NR4A3: variants seen among roughly 807,000 people sequenced by gnomAD.
NR4A3 encodes the protein nuclear receptor subfamily 4 group A member 3.
A neutral mutation model predicts 55.6 loss-of-function variants in NR4A3; 13 were observed. The ratio of observed to expected loss-of-function variants is 0.23; its 90% CI spans 0.15 to 0.37. NR4A3 has a LOEUF of 0.37. Among genes scored for constraint, NR4A3 ranks in the 10% least tolerant of loss-of-function variants. The probability of loss-of-function intolerance (pLI) is 1.00; values close to 1 mark genes in which losing one functional copy is unlikely to be tolerated. For synonymous variants in NR4A3, 342 were observed against 357.9 expected (o/e 0.96, Z 0.50); for missense variants, 646 against 822.8 (o/e 0.79, Z 2.63).
rs188837075 is a variant in NR4A3 at position 99,834,899 on chromosome 9, T to C, written c.1254+1445T>C. Reference sequence around the variant, plus strand: ...CTCTTGACTACAATCAAGTCTCAAATAATAGTGTAAGAGAATAAAGCAGAA... The same window carrying C: ...CTCTTGACTACAATCAAGTCTCAAACAATAGTGTAAGAGAATAAAGCAGAA... On this transcript the variant is annotated intron_variant, in intron 5 of 7. Transcript: ENST00000395097. 1.3e-5 allele frequency: 13 copies of C among 984,956 alleles called. No homozygotes were observed. In the East Asian group the frequency reaches 1.2e-3, roughly 95 times the overall value. The allele number at this position is 984,956 out of a possible 1,614,324, so 61.0% of individuals were successfully genotyped here.
Position 99,866,441 on chromosome 9 carries a change from C to A in NR4A3, c.*2574C>A. 1 of 226,058 alleles carries A rather than the reference C, an allele frequency of 4.4e-6. No individual in the cohort carries two copies. The allele number at this position is 226,058 out of a possible 1,614,324, so 14.0% of individuals were successfully genotyped here. A position where few individuals can be genotyped will look rare whatever the true frequency, so the allele number is the denominator to read the frequency against. On this transcript the variant is annotated 3_prime_UTR_variant, in exon 8 of 8. Transcript: ENST00000395097. ...CTAGTGGTTGGAAGGAATGAAGAAG[C>A]TTTTTTAGTAATAGGTCCAGATATG...
At chr9:99,852,058 C>G (rs1221365457) in intron 7 of NR4A3, among the ~76,000 whole-genome samples, 5 of 152,130 alleles carry the variant, frequency 3.3e-5, no homozygotes, top group Non-Finnish European at 7.3e-5. Flanking sequence ...TGCTCAGGCC[C>G]TGAAAAGGGA....
chr9:99,844,842 C>A lies in NR4A3; in HGVS notation c.1448C>A (p.Ser483Tyr). The change falls in exon 6 of 8, where the codon TCC (serine) becomes TAC (tyrosine). Residue 483 changes from serine to tyrosine, a missense_variant. Physicochemically the swap from Ser to Tyr is moderately radical, Grantham distance 144. Coordinates refer to ENST00000395097, the MANE Select transcript of NR4A3 (RefSeq NM_006981.4). ...AFLELFVLRLSIRSNTAEDKF... is the reference protein window; with the variant it reads ...AFLELFVLRLYIRSNTAEDKF... The stretch of plus-strand genomic sequence containing the variant: ...TTGGAGCTGTTTGTCCTCAGACTTT[C>A]CATCAGGTAATTACTACTATTTTAT... The A allele has an allele frequency of 6.2e-7, 1 of 1,612,430 alleles. No homozygotes were observed. Among genetic ancestry groups the A allele is most frequent in the Non-Finnish European group, 8.5e-7 (1 of 1,178,474 alleles).
intron 5 of NR4A3, among the ~76,000 whole-genome samples, chr9:99,843,657 CA>C (rs1169059261): frequency 1.4e-5 from 2 of 145,586 alleles, no homozygotes; most frequent in Admixed American, 6.9e-5. Flanking sequence ...ACCCCCAACC[CA>C]CGCCCCCATT....
At position 99,828,630 on chromosome 9, in the gene NR4A3, G is replaced by T; in HGVS notation, c.588G>T (p.Ser196=). ...ARFPLFHFKP[S]PPHPPAPSPA... is the part of the protein sequence containing the mutation. ...TCCCGCTCTTCCACTTCAAGCCCTCGCCGCCGCATCCCCCCGCGCCCAGCC... is the reference window on the plus strand; with the variant it reads ...TCCCGCTCTTCCACTTCAAGCCCTCTCCGCCGCATCCCCCCGCGCCCAGCC... Residue 196 remains serine (S), a synonymous_variant, in exon 3 of 8, where the codon TCG becomes TCT. Transcript: ENST00000395097. This position sits in a 1 kb window ranked among gnomAD's most constrained non-coding sequence, Gnocchi z 7.7. 1.4e-6 allele frequency: 2 copies of T among 1,476,906 alleles called. No homozygotes were observed. The highest frequency in any genetic ancestry group is 1.8e-6 in the Non-Finnish European group (2 of 1,123,564). 91.5% of individuals were successfully genotyped at this position (1,476,906 alleles called of 1,614,324 possible). A position where few individuals can be genotyped will look rare whatever the true frequency, so the allele number is the denominator to read the frequency against.
At chr9:99,847,639 G>A (rs373056476) in intron 7 of NR4A3, 24 bp downstream of exon 7, 195 of 1,606,916 alleles carry the variant, frequency 1.2e-4, no homozygotes, top group Middle Eastern at 1.8e-4. Context: ...TGCCAAAACC[G>A]CATCCTCATT....
rs561216654 is a variant in NR4A3, at chr9:99,864,605, C to A, written c.*738C>A. 63 of 228,416 alleles carry A rather than the reference C, an allele frequency of 2.8e-4. 1 individual carries two copies. In the South Asian group the frequency reaches 0.011, roughly 39 times the overall value. 14.1% of individuals were successfully genotyped at this position (228,416 alleles called of 1,614,324 possible). ...CCCTAGCAGAGGCTGTGTTCACCTT[C>A]CCTGTCGATCCCTTCTGAGGTATGG... On this transcript the variant is annotated 3_prime_UTR_variant, in exon 8 of 8. Transcript: ENST00000395097.
At position 99,862,549 on chromosome 9, in the gene NR4A3, C is replaced by CAAAAAAAAAAAAAAAAA. The variant is rs59274273; in HGVS notation, c.1634-1053_1634-1037dup. Reference sequence around the variant, plus strand: ...TAGGCAACAGAGTAAGACTCTGTCTCAAAAAAAAAAAAAAAAAAAAAAAAA... The same window carrying CAAAAAAAAAAAAAAAAA: ...TAGGCAACAGAGTAAGACTCTGTCTCAAAAAAAAAAAAAAAAAAAAAAAAAAAAAAAAAAAAAAAAAA... On this transcript the variant is annotated intron_variant, in intron 7 of 7. Coordinates refer to ENST00000395097, the MANE Select transcript of NR4A3 (RefSeq NM_006981.4). Among the ~76,000 whole-genome samples, 42 of 72,800 alleles carry CAAAAAAAAAAAAAAAAA rather than the reference C, an allele frequency of 5.8e-4. 1 individual carries two copies. Among genetic ancestry groups the CAAAAAAAAAAAAAAAAA allele is most frequent in the African/African-American group, 1.0e-3 (16 of 15,250 alleles). The allele number at this position is 72,800 out of a possible 152,430, so 47.8% of individuals were successfully genotyped here.
intron 7 of NR4A3, among the ~76,000 whole-genome samples, chr9:99,853,321 C>CTTT (rs71370971): frequency 4.5e-4 from 56 of 123,318 alleles, no homozygotes; most frequent in African/African-American, 5.5e-4. Flanking sequence ...TAGGGAATTT[C>CTTT]TTTTTTTTTT....
chr9:99,834,696 G>C (rs574646576), intron 5 of NR4A3: 26 of 597,182 alleles, frequency 4.4e-5, no homozygotes, highest in Non-Finnish European at 5.0e-5. Flanking sequence ...TTCTCCTTAG[G>C]TTGCAGTGTT....
At position 99,828,924 on chromosome 9, in the gene NR4A3, G is replaced by C. The variant is rs941378668; in HGVS notation, c.882G>C (p.Val294=). The C allele has an allele frequency of 3.4e-6, 5 of 1,457,082 alleles. No individual in the cohort carries two copies. The highest frequency in any genetic ancestry group is 4.5e-6 in the Non-Finnish European group (5 of 1,105,024). 90.3% of individuals were successfully genotyped at this position (1,457,082 alleles called of 1,614,324 possible). A position where few individuals can be genotyped will look rare whatever the true frequency, so the allele number is the denominator to read the frequency against. ...SSSSGEGTCA[V]CGDNAACQHY... ...CGTCTGGCGAGGGCACGTGTGCCGT[G>C]TGCGGGGACAACGCCGCCTGCCAGC... is the stretch of plus-strand genomic sequence containing the variant. Residue 294 remains valine, a synonymous_variant, in exon 3 of 8, where the codon GTG becomes GTC. Coordinates refer to ENST00000395097, the MANE Select transcript of NR4A3 (RefSeq NM_006981.4). This position sits in a 1 kb window ranked among gnomAD's most constrained non-coding sequence, Gnocchi z 7.7.
At chr9:99,841,146 G>A (rs1290565918) in intron 5 of NR4A3, among the ~76,000 whole-genome samples, 3 of 150,874 alleles carry the variant, frequency 2.0e-5, no homozygotes, top group South Asian at 2.1e-4. Flanking sequence ...CAGGAGACTC[G>A]CTTGAACCCG....
At chr9:99,844,208 T>G (rs139258531) in intron 5 of NR4A3, among the ~76,000 whole-genome samples, 10 of 152,266 alleles carry the variant, frequency 6.6e-5, no homozygotes, top group African/African-American at 2.4e-4. Context: ...GAGATCTACT[T>G]GGACACAAAC....
rs1313203015 is a variant in NR4A3 at position 99,833,426 on chromosome 9, C to T, written c.1226C>T (p.Ser409Leu). ...GCCCTTGTCCGAGCTTTAACAGACT[C>T]AACACCCAGAGATCTTGATTATTCC... ...MNALVRALTD[S>L]TPRDLDYSRY... The change falls in exon 5 of 8, where the codon TCA becomes TTA. Residue 409 changes from serine to leucine, a missense_variant. By Grantham distance (145) the Ser-to-Leu change is moderately radical (BLOSUM62 -2). Coordinates refer to ENST00000395097, the MANE Select transcript of NR4A3 (RefSeq NM_006981.4). 1 of 1,613,980 alleles carries T rather than the reference C, an allele frequency of 6.2e-7. No homozygotes were observed. The highest frequency in any genetic ancestry group is 8.5e-7 in the Non-Finnish European group (1 of 1,179,978).
chr9:99,834,980 A>G, intron 5 of NR4A3: 1 of 955,258 alleles, frequency 1.0e-6, no homozygotes, highest in Non-Finnish European at 1.2e-6. Flanking sequence ...GCCTAGATGA[A>G]AATCCCAACA....
At chr9:99,833,681 G>A (rs1440886309) in intron 5 of NR4A3, 1 of 1,568,842 alleles carries the variant, frequency 6.4e-7, no homozygotes, top group Admixed American at 1.8e-5. Context: ...TGACAGTGCT[G>A]CACCTGTCAT....
At position 99,833,358 on chromosome 9, in the gene NR4A3, T is replaced by C. The variant is rs762952417; in HGVS notation, c.1158T>C (p.Pro386=). 6.2e-7 allele frequency: 1 copy of C among 1,614,130 alleles called. No homozygotes were observed. Among genetic ancestry groups the C allele is most frequent in the Non-Finnish European group, 8.5e-7 (1 of 1,179,988 alleles). Residue 386 remains proline (P), a synonymous_variant, in exon 5 of 8, where the codon CCT becomes CCC. Coordinates refer to ENST00000395097, the MANE Select transcript of NR4A3 (RefSeq NM_006981.4). ...CAAAGAGCCCATTACAACAGGAACC[T>C]TCTCAGCCCTCTCCACCTTCTCCTC... ...SKPKSPLQQE[P]SQPSPPSPPI...
Position 99,822,982 on chromosome 9 carries a change from C to A in NR4A3, c.-177+575C>A, listed in dbSNP as rs1054506083. Among the ~76,000 whole-genome samples the A allele has an allele frequency of 1.3e-5, 2 of 152,080 alleles. No individual in the cohort carries two copies. Among genetic ancestry groups the A allele is most frequent in the Non-Finnish European group, 2.9e-5 (2 of 68,032 alleles). ...ACTCGGAGGACCTCAGGAAAGAGGG[C>A]GTAATTGTAGGAATGTGGCTTATTG... On this transcript the variant is annotated intron_variant, in intron 1 of 7. Transcript: ENST00000395097. This position sits in a 1 kb window ranked among gnomAD's most constrained non-coding sequence, Gnocchi z 4.9.
Position 99,865,080 on chromosome 9 carries a change from T to C in NR4A3, c.*1213T>C. The stretch of plus-strand genomic sequence containing the variant: ...TGGGCTGCGTTTCAACATTCCGTGT[T>C]CGTACTCCCTTTTGTATGTTTCTAC... On this transcript the variant is annotated 3_prime_UTR_variant, in exon 8 of 8. Transcript: ENST00000395097. This position sits in a 1 kb window ranked among gnomAD's most constrained non-coding sequence, Gnocchi z 4.3. 1 of 201,190 alleles carries C rather than the reference T, an allele frequency of 5.0e-6. No individual in the cohort carries two copies. Among genetic ancestry groups the C allele is most frequent in the Non-Finnish European group, 1.0e-5 (1 of 97,334 alleles). The allele number at this position is 201,190 out of a possible 1,614,324, so 12.5% of individuals were successfully genotyped here.
Sources: allele counts gnomAD v4.1 joint callset (sites outside exome capture counted in the v4.1 genomes callset), GRCh38; gene constraint gnomAD v4.1.1; non-coding constraint Gnocchi (gnomAD v3.1); transcripts MANE v1.5; gene names NCBI Gene and HGNC (gene_info 2026-07-23, HGNC 2026-07-21).